Variants in GOLIM4 observed in about 807,000 individuals in gnomAD.
GOLIM4 encodes golgi integral membrane protein 4.
GOLIM4 carries 71 observed loss-of-function variants against 107.4 expected under a neutral mutation model. That is an observed-to-expected ratio of 0.66 (90% CI 0.55 to 0.81). The LOEUF (loss-of-function observed/expected upper bound fraction) is 0.81, where lower values mean the gene tolerates loss of function less well. Among genes scored for constraint, GOLIM4 ranks in the 30% least tolerant of loss-of-function variants. GOLIM4 has a pLI of 0.00. For synonymous variants in GOLIM4, 327 were observed against 294.8 expected, an observed-to-expected ratio of 1.11 and a Z score of -1.12; for missense variants, 830 against 826.1, an observed-to-expected ratio of 1.00 and a Z score of -0.06.
intron 13 of GOLIM4, 43 bp from the exon 14 acceptor site, chr3:168,024,637 A>G: frequency 6.8e-7 from 1 of 1,474,498 alleles, no homozygotes; most frequent in Non-Finnish European, 9.5e-7. Context: ...TGTACATCAG[A>G]GATGCCTTTT....
intron 7 of GOLIM4, among the ~76,000 whole-genome samples, chr3:168,037,467 C>T (rs566735265): frequency 2.0e-5 from 3 of 152,036 alleles, no homozygotes; most frequent in Admixed American, 6.5e-5. Flanking sequence ...CACACACACA[C>T]ACACAAACAC....
chr3:168,026,973 T>C (rs1718025656), intron 12 of GOLIM4, among the ~76,000 whole-genome samples: 1 of 152,216 alleles, frequency 6.6e-6, no homozygotes, highest in Admixed American at 6.5e-5. Context: ...GTAGTTGATC[T>C]ATTAGCAAGA....
intron 8 of GOLIM4, among the ~76,000 whole-genome samples, chr3:168,035,673 T>C (rs567661013): frequency 6.6e-6 from 1 of 152,304 alleles, no homozygotes; most frequent in Admixed American, 6.5e-5. Context: ...AGCAGGAATA[T>C]AGCTAATGGG....
intron 7 of GOLIM4, among the ~76,000 whole-genome samples, chr3:168,039,264 A>T (rs866645183): frequency 0.035 from 4,785 of 137,052 alleles, 97 homozygotes; most frequent in Middle Eastern, 0.056. Context: ...GAAAAAAAAA[A>T]TTTTTTTTTT....
chr3:168,032,800 G>A lies in GOLIM4; in HGVS notation c.896C>T (p.Ala299Val). 1 of 1,613,996 alleles carries A rather than the reference G, an allele frequency of 6.2e-7. No individual in the cohort carries two copies. The highest frequency in any genetic ancestry group is 1.3e-5 in the African/African-American group (1 of 74,988). The change falls in exon 9 of 16, where the codon GCA becomes GTA. Residue 299 changes from alanine (A) to valine (V), a missense_variant. By Grantham distance (64) the Ala-to-Val change is moderately conservative. Transcript: ENST00000470487. ...WQNHEAVPGR[A>V]EDTKLYAPTH... Reference sequence around the variant, plus strand: ...GGGAGCATAGAGTTTTGTGTCTTCTGCTCTTCCAGGAACTGCTTCATGGTT... The same window carrying A: ...GGGAGCATAGAGTTTTGTGTCTTCTACTCTTCCAGGAACTGCTTCATGGTT...
At chr3:168,034,963 A>G (rs921480489) in intron 8 of GOLIM4, among the ~76,000 whole-genome samples, 1 of 151,668 alleles carries the variant, frequency 6.6e-6, no homozygotes, top group Admixed American at 6.6e-5. Flanking sequence ...TTTTAAATCA[A>G]CCAGTCTAGG....
At position 168,027,806 on chromosome 3, in the gene GOLIM4, T is replaced by G. The variant is rs1166626001; in HGVS notation, c.1545A>C (p.Glu515Asp). 7.4e-6 allele frequency: 12 copies of G among 1,612,934 alleles called. No individual in the cohort carries two copies. The highest frequency in any genetic ancestry group is 1.0e-5 in the Non-Finnish European group (12 of 1,179,066). ...GTCTATTACCTGGATCTCCTTCTGC[T>G]TCATCTTGGTGCTGGTTGTCTCTTT... ...AYERDNQHQD[E>D]AEGDPGNRHE... Residue 515 changes from glutamate to aspartate, a missense_variant, in exon 12 of 16, where the codon GAA (glutamate) becomes GAC (aspartate). Transcript: ENST00000470487.
chr3:168,037,638 G>C lies in GOLIM4; in HGVS notation c.685-644C>G, dbSNP rs150267262. Among the ~76,000 whole-genome samples the C allele has an allele frequency of 1.4e-3, 213 of 152,242 alleles. 1 individual carries two copies. The highest frequency in any genetic ancestry group is 5.1e-3 in the African/African-American group (211 of 41,520). ...ACTGGATTTTTTTATCCTTGATTGTGAATGATCTTTTCTTCTAAAGTGACA... is the reference window on the plus strand; with the variant it reads ...ACTGGATTTTTTTATCCTTGATTGTCAATGATCTTTTCTTCTAAAGTGACA... On this transcript the variant is annotated intron_variant, in intron 7 of 15. Transcript: ENST00000470487.
rs770307659 is a variant in GOLIM4 at position 168,010,288 on chromosome 3, T to C, written c.2072A>G (p.His691Arg). Residue 691 changes from histidine to arginine, a missense_variant, in exon 16 of 16, where the codon CAT (histidine) becomes CGT (arginine). His to Arg is a conservative substitution (Grantham distance 29). Coordinates refer to ENST00000470487, the MANE Select transcript of GOLIM4 (RefSeq NM_014498.5). ...GTGCCGCTACATTTCAGCTCTTCGATGTGATTTCTCAGCAACTGCAGCCCC... is the reference window on the plus strand; with the variant it reads ...GTGCCGCTACATTTCAGCTCTTCGACGTGATTTCTCAGCAACTGCAGCCCC... ...EDGAAVAEKS[H>R]RRAEM The C allele has an allele frequency of 4.3e-6, 7 of 1,612,806 alleles. No individual in the cohort carries two copies. Among genetic ancestry groups the C allele is most frequent in the Admixed American group, 1.7e-5 (1 of 59,768 alleles).
chr3:168,011,325 G>T (rs888083275), intron 14 of GOLIM4, among the ~76,000 whole-genome samples: 1 of 152,198 alleles, frequency 6.6e-6, no homozygotes, highest in African/African-American at 2.4e-5. Flanking sequence ...CAAATACTGC[G>T]CTTTTCCGAC....
intron 1 of GOLIM4, among the ~76,000 whole-genome samples, chr3:168,087,321 A>G (rs999654728): frequency 6.6e-6 from 1 of 152,214 alleles, no homozygotes; most frequent in Admixed American, 6.5e-5. Context: ...CTAGCTATCA[A>G]GTTGTTGGCT....
At chr3:168,025,712 C>T (rs888492208) in intron 12 of GOLIM4, among the ~76,000 whole-genome samples, 2 of 152,182 alleles carry the variant, frequency 1.3e-5, no homozygotes, top group Non-Finnish European at 2.9e-5. Context: ...GCTGAACTGG[C>T]GAGGGATGGG....
intron 5 of GOLIM4, among the ~76,000 whole-genome samples, chr3:168,042,881 G>GGTCA (rs1251076482): frequency 6.6e-6 from 1 of 152,142 alleles, no homozygotes; most frequent in African/African-American, 2.4e-5. Context: ...ACTTACCCAT[G>GGTCA]GTCACATAGC....
At chr3:168,090,787 G>A (rs972018101) in intron 1 of GOLIM4, among the ~76,000 whole-genome samples, 1 of 152,074 alleles carries the variant, frequency 6.6e-6, no homozygotes, top group Non-Finnish European at 1.5e-5. Flanking sequence ...CATCAACAGA[G>A]AACTGGTAAA....
At chr3:168,013,447 T>G (rs1717175913) in intron 14 of GOLIM4, among the ~76,000 whole-genome samples, 1 of 150,896 alleles carries the variant, frequency 6.6e-6, no homozygotes. Context: ...AATGGGAGAC[T>G]TTAACACCCC....
chr3:168,026,595 CA>C (rs1418268413), intron 12 of GOLIM4, among the ~76,000 whole-genome samples: 3 of 152,176 alleles, frequency 2.0e-5, no homozygotes, highest in Non-Finnish European at 4.4e-5. Flanking sequence ...CAGCAGTTCC[CA>C]AACAAGTGAC....
intron 1 of GOLIM4, among the ~76,000 whole-genome samples, chr3:168,082,365 G>T (rs1721416723): frequency 6.6e-6 from 1 of 152,110 alleles, no homozygotes; most frequent in Non-Finnish European, 1.5e-5. Flanking sequence ...TTTCTTTAAA[G>T]CTCAGCCCCT....
intron 1 of GOLIM4, among the ~76,000 whole-genome samples, chr3:168,077,066 G>C (rs1721115139): frequency 6.6e-6 from 1 of 152,176 alleles, no homozygotes; most frequent in South Asian, 2.1e-4. Context: ...CTAAAATTAT[G>C]TTGATGTTAA....
At chr3:168,064,839 AT>A (rs1268589971) in intron 1 of GOLIM4, among the ~76,000 whole-genome samples, 1 of 152,192 alleles carries the variant, frequency 6.6e-6, no homozygotes, top group Non-Finnish European at 1.5e-5. Flanking sequence ...GAAATCTTTG[AT>A]GATACATATA....
Sources: gnomAD v4.1 joint callset for allele counts (sites outside exome capture counted in the v4.1 genomes callset) on GRCh38, gnomAD v4.1.1 for gene constraint, MANE v1.5 for transcripts, NCBI Gene and HGNC (gene_info 2026-07-23, HGNC 2026-07-21) for gene names.